CNGA3: variants seen among roughly 807,000 people sequenced by gnomAD.
CNGA3 encodes cyclic nucleotide gated channel subunit alpha 3.
A neutral mutation model predicts 46.6 loss-of-function variants in CNGA3; 42 were observed. That is an observed-to-expected ratio of 0.90 (90% CI 0.70 to 1.17). CNGA3 has a LOEUF of 1.17. Among genes scored for constraint, CNGA3 ranks in the 50% most tolerant of loss-of-function variants. CNGA3 has a pLI of 0.00. For synonymous variants in CNGA3, 394 were observed against 369.4 expected (o/e 1.07, Z -0.76); for missense variants, 893 against 890.7 (o/e 1.00, Z -0.03).
At chr2:98,366,785 C>G (rs1692162954) in intron 1 of CNGA3, among the ~76,000 whole-genome samples, 1 of 152,252 alleles carries the variant, frequency 6.6e-6, no homozygotes, top group African/African-American at 2.4e-5. Context: ...GCGGCCACCC[C>G]TTTCCCCAGG....
chr2:98,392,697 A>G (rs1467788576), intron 7 of CNGA3, among the ~76,000 whole-genome samples: 1 of 152,202 alleles, frequency 6.6e-6, no homozygotes, highest in African/African-American at 2.4e-5. Context: ...AGCTCAGTCA[A>G]TCTTGGAGTT....
At chr2:98,361,510 T>G (rs117048022) in intron 1 of CNGA3, among the ~76,000 whole-genome samples, 1 of 152,150 alleles carries the variant, frequency 6.6e-6, no homozygotes, top group Non-Finnish European at 1.5e-5. Flanking sequence ...TGTATCTTTA[T>G]AATAGAATAA....
chr2:98,357,153 T>G (rs1691901148), intron 1 of CNGA3, among the ~76,000 whole-genome samples: 1 of 152,200 alleles, frequency 6.6e-6, no homozygotes. Context: ...AGTTCTTGCC[T>G]TTAAGGCTTT....
chr2:98,391,751 A>G, intron 6 of CNGA3, 113 bp from the exon 7 acceptor site: 1 of 956,706 alleles, frequency 1.0e-6, no homozygotes, highest in Non-Finnish European at 1.7e-6. Context: ...AGGCAGGGCC[A>G]TTCCCATATT....
chr2:98,377,516 A>G (rs1288724475), intron 2 of CNGA3, 171 bp from the exon 3 acceptor site: 3 of 663,348 alleles, frequency 4.5e-6, no homozygotes, highest in Admixed American at 2.2e-5. Flanking sequence ...TTATACCAAA[A>G]TCCAGAATCT....
intron 5 of CNGA3, among the ~76,000 whole-genome samples, chr2:98,383,738 C>T (rs2104214513): frequency 6.6e-6 from 1 of 152,282 alleles, no homozygotes; most frequent in Non-Finnish European, 1.5e-5. Flanking sequence ...GCACTCTATA[C>T]CACGATATAT....
Position 98,378,073 on chromosome 2 carries a change from G to GA in CNGA3, c.215+280dup, listed in dbSNP as rs913486254. On this transcript the variant is annotated intron_variant, in intron 3 of 7. Coordinates refer to ENST00000272602, the MANE Select transcript of CNGA3 (RefSeq NM_001298.3). The stretch of plus-strand genomic sequence containing the variant: ...ACTTGCTCAGGTTTGGAAGAATTCA[G>GA]AAAAAAAGCCAACCGGAGAAGGTGG... 4.4e-5 allele frequency: 69 copies of GA among 1,550,596 alleles called. 1 individual carries two copies. The highest frequency in any genetic ancestry group is 1.7e-4 in the Middle Eastern group (1 of 6,016).
intron 1 of CNGA3, among the ~76,000 whole-genome samples, chr2:98,352,545 G>A (rs926236588): frequency 6.6e-6 from 1 of 152,134 alleles, no homozygotes; most frequent in Admixed American, 6.5e-5. Flanking sequence ...TGTGGAAAAT[G>A]GTTAATTGTA....
intron 1 of CNGA3, among the ~76,000 whole-genome samples, chr2:98,366,223 G>A (rs1486975998): frequency 1.3e-5 from 2 of 151,492 alleles, no homozygotes; most frequent in African/African-American, 4.8e-5. Context: ...GCCCCTGGAG[G>A]TGTTACCAGT....
At chr2:98,387,970 G>C (rs1408838815) in intron 5 of CNGA3, among the ~76,000 whole-genome samples, 1 of 152,172 alleles carries the variant, frequency 6.6e-6, no homozygotes, top group Non-Finnish European at 1.5e-5. Context: ...GGCTGTTTGT[G>C]ACTTCCCAGG....
rs1325419198 is a variant in CNGA3, at chr2:98,391,883, C to T, written c.586C>T (p.Gln196Ter). Residue 196 changes from glutamine (Q) to a stop codon, truncating the protein, a stop_gained, in exon 7 of 8, where the codon CAG becomes TAG. Transcript: ENST00000272602. LOFTEE classifies it high-confidence loss of function. Reference sequence around the variant, plus strand: ...CTTTAGGGCCTGTTTCGATGAGCTGCAGTCCGAGTACCTGATGCTGTGGCT... The same window carrying T: ...CTTTAGGGCCTGTTTCGATGAGCTGTAGTCCGAGTACCTGATGCTGTGGCT... ...LICRACFDEL[Q>*]SEYLMLWLVL... The T allele has an allele frequency of 2.5e-6, 4 of 1,614,160 alleles. No homozygotes were observed. In the South Asian group the frequency reaches 3.3e-5, roughly 13 times the overall value.
chr2:98,389,810 G>A (rs1446168885), intron 6 of CNGA3, 36 bp downstream of exon 6: 1 of 1,561,650 alleles, frequency 6.4e-7, no homozygotes, highest in Admixed American at 1.7e-5. Flanking sequence ...GCGGAAAGGG[G>A]GAAACCAGGG....
intron 5 of CNGA3, among the ~76,000 whole-genome samples, chr2:98,388,676 A>T (rs1692715899): frequency 6.6e-6 from 1 of 152,182 alleles, no homozygotes; most frequent in African/African-American, 2.4e-5. Context: ...CCCCCACCCG[A>T]AGCATTTCGT....
At chr2:98,394,373 A>G (rs1483049806) in intron 7 of CNGA3, among the ~76,000 whole-genome samples, 1 of 152,170 alleles carries the variant, frequency 6.6e-6, no homozygotes, top group Non-Finnish European at 1.5e-5. Flanking sequence ...GTCACGTGCA[A>G]CCAAGGAAAG....
At chr2:98,372,848 T>G (rs1014672742) in intron 2 of CNGA3, among the ~76,000 whole-genome samples, 1 of 152,156 alleles carries the variant, frequency 6.6e-6, no homozygotes, top group Non-Finnish European at 1.5e-5. Context: ...CCTGCCTGTG[T>G]CCAAGCCCTG....
At chr2:98,391,714 G>C (rs76292269) in intron 6 of CNGA3, 150 bp from the exon 7 acceptor site, 2 of 712,488 alleles carry the variant, frequency 2.8e-6, no homozygotes, top group East Asian at 5.5e-5. Flanking sequence ...AGAAGCGGGG[G>C]TGATTACACT....
rs777402321 is a variant in CNGA3 at position 98,378,287 on chromosome 2, G to A, written c.215+487G>A. On this transcript the variant is annotated intron_variant, in intron 3 of 7. Transcript: ENST00000272602. ...GAGACTCCAAGCTCTGCTTCCCCCTGATGACATCCGTACTCCAGCTTCAAC... is the reference window on the plus strand; with the variant it reads ...GAGACTCCAAGCTCTGCTTCCCCCTAATGACATCCGTACTCCAGCTTCAAC... 9.7e-6 allele frequency: 14 copies of A among 1,437,024 alleles called. No homozygotes were observed. In the Middle Eastern group the frequency reaches 2.3e-3, roughly 231 times the overall value. 89.0% of individuals were successfully genotyped at this position (1,437,024 alleles called of 1,614,324 possible).
At chr2:98,377,228 A>G (rs1350298022) in intron 2 of CNGA3, 2 of 179,668 alleles carry the variant, frequency 1.1e-5, no homozygotes, top group African/African-American at 4.7e-5. Context: ...GCTGCAGCAC[A>G]CGCAGTGGGA....
At chr2:98,380,117 T>G in intron 3 of CNGA3, 58 bp from the exon 4 acceptor site, 5 of 1,575,660 alleles carry the variant, frequency 3.2e-6, no homozygotes, top group Non-Finnish European at 4.3e-6. Context: ...AGACTGGGGT[T>G]TGGGGGTGTG....
Sources: gnomAD v4.1 joint callset for allele counts (sites outside exome capture counted in the v4.1 genomes callset) on GRCh38, gnomAD v4.1.1 for gene constraint, MANE v1.5 for transcripts, NCBI Gene and HGNC (gene_info 2026-07-23, HGNC 2026-07-21) for gene names.